The following SCN3A variants were observed in gnomAD, a reference collection of about 807,000 sequenced individuals.
SCN3A encodes sodium voltage-gated channel alpha subunit 3.
SCN3A carries 60 observed loss-of-function variants against 187.6 expected under a neutral mutation model. That is an observed-to-expected ratio of 0.32 (90% CI 0.26 to 0.40). The LOEUF (loss-of-function observed/expected upper bound fraction) is 0.40. Among genes scored for constraint, SCN3A ranks in the 10% least tolerant of loss-of-function variants. The pLI is 1.00. For missense variants in SCN3A, 1,601 were observed against 2,428.2 expected, an observed-to-expected ratio of 0.66 and a Z score of 7.16; for synonymous variants, 788 against 829.2, an observed-to-expected ratio of 0.95 and a Z score of 0.85.
intron 6 of SCN3A, 121 bp downstream of exon 6, chr2:165,164,271 A>C (rs1381600397): frequency 1.6e-5 from 20 of 1,254,140 alleles, no homozygotes; most frequent in Non-Finnish European, 2.3e-6. Context: ...TAAAATACAC[A>C]ATCCATATAG....
In SCN3A at chr2:165,202,586, C is replaced by T. The variant is rs75143928; in HGVS notation, c.-248+1237G>A. ...CTATTTTGAAATGTTTTTGGGGGGA[C>T]TATTATTGCTACTCAATGTAAAATA... On this transcript the variant is annotated intron_variant, in intron 1 of 27. Coordinates refer to ENST00000283254, the MANE Select transcript of SCN3A (RefSeq NM_006922.4). Among the ~76,000 whole-genome samples the T allele has an allele frequency of 6.3e-3, 953 of 152,068 alleles. 6 individuals are homozygous for T. Among genetic ancestry groups the T allele is most frequent in the African/African-American group, 0.022 (910 of 41,518 alleles).
At chr2:165,176,493 G>C in intron 2 of SCN3A, 49 bp from the exon 3 acceptor site, 1 of 1,437,888 alleles carries the variant, frequency 7.0e-7, no homozygotes, top group East Asian at 2.3e-5. Context: ...AAGCGATTGG[G>C]CATAAGAACA....
At chr2:165,166,140 T>G (rs1689741947) in intron 5 of SCN3A, among the ~76,000 whole-genome samples, 1 of 152,212 alleles carries the variant, frequency 6.6e-6, no homozygotes, top group Admixed American at 6.5e-5. Flanking sequence ...CTGTCTTATC[T>G]ATAGAGTTAC....
intron 11 of SCN3A, among the ~76,000 whole-genome samples, chr2:165,152,232 C>T (rs986409984): frequency 5.3e-5 from 8 of 152,050 alleles, no homozygotes; most frequent in African/African-American, 1.9e-4. Context: ...AGAAGTGACA[C>T]AGATGTTCAA....
chr2:165,154,832 T>C (rs1282393992), intron 10 of SCN3A, among the ~76,000 whole-genome samples, 174 bp from the exon 11 acceptor site: 1 of 152,170 alleles, frequency 6.6e-6, no homozygotes, highest in East Asian at 1.9e-4. Context: ...AGAATCAGAT[T>C]ATTTGAGGCT....
At chr2:165,146,642 G>A (rs1387989800) in intron 12 of SCN3A, 97 bp downstream of exon 12, 1 of 1,291,494 alleles carries the variant, frequency 7.7e-7, no homozygotes, top group Non-Finnish European at 1.1e-6. Context: ...GTCCCTCACT[G>A]AAGTCAGATA....
intron 2 of SCN3A, among the ~76,000 whole-genome samples, chr2:165,178,794 A>G (rs941328110): frequency 3.9e-5 from 6 of 152,196 alleles, no homozygotes; most frequent in Admixed American, 2.6e-4. Flanking sequence ...GTTTTACTCA[A>G]AAGTCAGTTG....
At chr2:165,190,836 ATC>A (rs1187709333) in intron 1 of SCN3A, among the ~76,000 whole-genome samples, 1 of 151,770 alleles carries the variant, frequency 6.6e-6, no homozygotes, top group African/African-American at 2.4e-5. Context: ...CTTTCAGGCC[ATC>A]TAGTTTCATC....
At chr2:165,177,268 C>G (rs1372799373) in intron 2 of SCN3A, among the ~76,000 whole-genome samples, 1 of 152,156 alleles carries the variant, frequency 6.6e-6, no homozygotes, top group Non-Finnish European at 1.5e-5. Context: ...AGCATGGACT[C>G]AGGTGCTACA....
At position 165,141,008 on chromosome 2, in the gene SCN3A, A is replaced by G; in HGVS notation, c.1672-10T>C. 1.2e-6 allele frequency: 2 copies of G among 1,603,984 alleles called. No homozygotes were observed. Among genetic ancestry groups the G allele is most frequent in the Non-Finnish European group, 1.7e-6 (2 of 1,170,978 alleles). ...GGATACTCAAGAGAGACTGCAGAGA[A>G]AGCAAAAAGGAAAGGAATGGGATGG... On this transcript the variant is annotated splice_polypyrimidine_tract_variant and intron_variant, in intron 12 of 27. Coordinates refer to ENST00000283254, the MANE Select transcript of SCN3A (RefSeq NM_006922.4).
chr2:165,098,798 A>T (rs532695317), intron 22 of SCN3A, among the ~76,000 whole-genome samples: 2 of 152,190 alleles, frequency 1.3e-5, no homozygotes, highest in Non-Finnish European at 2.9e-5. Context: ...ACTGAATTAA[A>T]AATTCTAAAC....
chr2:165,202,679 T>A lies in SCN3A; in HGVS notation c.-248+1144A>T, dbSNP rs185017007. On this transcript the variant is annotated intron_variant, in intron 1 of 27. Coordinates refer to ENST00000283254, the MANE Select transcript of SCN3A (RefSeq NM_006922.4). ...ACAGTTTGGAGGCCTTAAGTTCTAT[T>A]TTTGAAGCCCTTTTAGCCAGTACTG... Among the ~76,000 whole-genome samples, 192 of 152,148 alleles carry A rather than the reference T, an allele frequency of 1.3e-3. 2 individuals are homozygous for A. In the Middle Eastern group the frequency reaches 0.014, roughly 11 times the overall value.
intron 20 of SCN3A, 67 bp downstream of exon 20, chr2:165,113,749 T>C: frequency 6.6e-7 from 1 of 1,519,004 alleles, no homozygotes; most frequent in Non-Finnish European, 9.1e-7. Flanking sequence ...AGTGTTTGCA[T>C]CTGGTAATTT....
Position 165,088,383 on chromosome 2 carries a change from A to C in SCN3A, c.*1767T>G, listed in dbSNP as rs1268335050. 1 of 152,518 alleles carries C rather than the reference A, an allele frequency of 6.6e-6. No individual in the cohort carries two copies. The highest frequency in any genetic ancestry group is 1.5e-5 in the Non-Finnish European group (1 of 67,962). 9.4% of individuals were successfully genotyped at this position (152,518 alleles called of 1,614,324 possible). A position where few individuals can be genotyped will look rare whatever the true frequency, so the allele number is the denominator to read the frequency against. ...ACAAAGTCCATGTTATATTTGTAAT[A>C]GCTTTAGTGCAGCAGGAATTAAAAA... On this transcript the variant is annotated 3_prime_UTR_variant, in exon 28 of 28. Transcript: ENST00000283254.
chr2:165,161,154 T>G (rs1375408390), intron 9 of SCN3A, among the ~76,000 whole-genome samples: 57 of 146,496 alleles, frequency 3.9e-4, no homozygotes, highest in Middle Eastern at 6.9e-3. Context: ...TTTTTTTTTT[T>G]TTTTTTTTGT....
intron 15 of SCN3A, among the ~76,000 whole-genome samples, chr2:165,137,424 T>C (rs1317808796): frequency 3.3e-5 from 5 of 152,180 alleles, no homozygotes; most frequent in Non-Finnish European, 7.4e-5. Context: ...TTTTTTCTTG[T>C]ATGATTATCA....
chr2:165,175,620 G>A (rs986990319), intron 3 of SCN3A, among the ~76,000 whole-genome samples: 7 of 152,110 alleles, frequency 4.6e-5, no homozygotes, highest in Middle Eastern at 3.4e-3. Flanking sequence ...AGGTTACTGG[G>A]GGGGAAAGGA....
At chr2:165,158,773 G>T (rs1296426494) in intron 9 of SCN3A, among the ~76,000 whole-genome samples, 1 of 137,138 alleles carries the variant, frequency 7.3e-6, no homozygotes, top group Non-Finnish European at 1.5e-5. Context: ...ATATTTTATT[G>T]TATGGGCATA....
chr2:165,190,305 A>G (rs1013747531), intron 1 of SCN3A, among the ~76,000 whole-genome samples: 5 of 152,120 alleles, frequency 3.3e-5, no homozygotes, highest in African/African-American at 7.2e-5. Flanking sequence ...ATGTTAACTT[A>G]AAGTCTGAGA....
Sources: allele counts gnomAD v4.1 joint callset (sites outside exome capture counted in the v4.1 genomes callset), GRCh38; gene constraint gnomAD v4.1.1; transcripts MANE v1.5; gene names NCBI Gene and HGNC (gene_info 2026-07-23, HGNC 2026-07-21).